APOL5: variants seen among roughly 807,000 people sequenced by gnomAD.
APOL5 encodes the protein apolipoprotein L, 5.
APOL5 carries 29 observed loss-of-function variants against 35.5 expected under a neutral mutation model. The observed-to-expected ratio is 0.82, with a 90% CI of 0.61 to 1.11. The LOEUF (loss-of-function observed/expected upper bound fraction) is 1.11. APOL5 is among the 50% of genes most tolerant of loss of function. APOL5 has a pLI of 0.00. For synonymous variants in APOL5, 188 were observed against 200.2 expected (o/e 0.94, Z 0.51); for missense variants, 514 against 530.4 (o/e 0.97, Z 0.30).
chr22:35,711,280 A>T, the APOL5 span, among the ~76,000 whole-genome samples: 3 of 152,186 alleles, frequency 2.0e-5, no homozygotes, highest in Non-Finnish European at 4.4e-5. Flanking sequence ...TCATCCATTC[A>T]TCCATCAATG....
intron 2 of APOL5, among the ~76,000 whole-genome samples, chr22:35,720,991 C>A (rs1926954553): frequency 6.6e-6 from 1 of 152,100 alleles, no homozygotes; most frequent in Non-Finnish European, 1.5e-5. Flanking sequence ...AATGCTCCAC[C>A]CGCCTCGGCC....
At chr22:35,709,608 T>C in the APOL5 span, among the ~76,000 whole-genome samples, 100,770 of 152,034 alleles carry the variant, frequency 0.66, 33,813 homozygotes, top group African/African-American at 0.74. Flanking sequence ...TCTAGAAATA[T>C]TTCTTCAATT....
intron 2 of APOL5, among the ~76,000 whole-genome samples, chr22:35,722,890 C>T (rs181372093): frequency 0.04 from 6,161 of 152,190 alleles, 153 homozygotes; most frequent in Middle Eastern, 0.092. Context: ...ACAAGGCGAT[C>T]TGGAAGGGCC....
chr22:35,710,791 C>T, the APOL5 span, among the ~76,000 whole-genome samples: 3 of 152,274 alleles, frequency 2.0e-5, no homozygotes, highest in East Asian at 5.8e-4. Flanking sequence ...AAGGGGAATC[C>T]TACGGCGTGT....
Position 35,726,682 on chromosome 22 carries a change from T to C in APOL5, c.614T>C (p.Leu205Pro), listed in dbSNP as rs768636241. 4 of 1,614,218 alleles carry C rather than the reference T, an allele frequency of 2.5e-6. No homozygotes were observed. The Admixed American group carries it at 5.0e-5, about 20-fold the overall frequency. ...NSAARDKASR[L>P]GPLTTSHEAF... ...GCAGCAAGAGACAAAGCCAGCCGAC[T>C]GGGGCCTCTGACAACATCACATGAG... Residue 205 changes from leucine (L) to proline (P), a missense_variant, in exon 3 of 5, where the codon CTG (leucine) becomes CCG (proline). Physicochemically the swap from Leu to Pro is moderately conservative, Grantham distance 98. Around this residue, in one of 3 missense-constraint regions of APOL5, gnomAD observed 254 missense variants for 254.7 expected, o/e 1.00. Transcript: ENST00000249044.
intron 2 of APOL5, among the ~76,000 whole-genome samples, chr22:35,724,092 TAG>T (rs1927064171): frequency 6.6e-6 from 1 of 151,794 alleles, no homozygotes; most frequent in Non-Finnish European, 1.5e-5. Context: ...TTTGGAAATG[TAG>T]ACTCTTTTAC....
chr22:35,723,932 G>C (rs866273457), intron 2 of APOL5, among the ~76,000 whole-genome samples: 1 of 152,128 alleles, frequency 6.6e-6, no homozygotes, highest in Non-Finnish European at 1.5e-5. Context: ...ACTCCAGCCC[G>C]GGCAATAGAG....
upstream of APOL5, chr22:35,717,757 A>AAAAAAAT: frequency 2.7e-6 from 1 of 366,180 alleles, no homozygotes; most frequent in Non-Finnish European, 4.1e-6. Context: ...AAAAAAAGAA[A>AAAAAAAT]GAAAAGAAAA....
chr22:35,726,826 C>G lies in APOL5; in HGVS notation c.758C>G (p.Ser253Cys). ...GCCTACCAGATGGCCAAATCCAACTCTGGCTTCATGGCTATGGTCAAGAAT... is the reference window on the plus strand; with the variant it reads ...GCCTACCAGATGGCCAAATCCAACTGTGGCTTCATGGCTATGGTCAAGAAT... Reference protein sequence around the residue: ...LHAYQMAKSNSGFMAMVKNFV... With the variant: ...LHAYQMAKSNCGFMAMVKNFV... The change falls in exon 3 of 5, where the codon TCT becomes TGT. Residue 253 changes from serine to cysteine, a missense_variant. This residue lies in a region of APOL5 where 238 missense variants were observed against 229.1 expected (regional missense o/e 1.04). Coordinates refer to ENST00000249044, the MANE Select transcript of APOL5 (RefSeq NM_030642.1). 4 of 1,614,240 alleles carry G rather than the reference C, an allele frequency of 2.5e-6. No individual in the cohort carries two copies. Among genetic ancestry groups the G allele is most frequent in the Non-Finnish European group, 2.5e-6 (3 of 1,180,048 alleles).
rs1415914283 is a variant in APOL5 at position 35,727,081 on chromosome 22, A to T, written c.1013A>T (p.Gln338Leu). The change falls in exon 3 of 5, where the codon CAG becomes CTG. Residue 338 changes from glutamine to leucine, a missense_variant. Coordinates refer to ENST00000249044, the MANE Select transcript of APOL5 (RefSeq NM_030642.1). ...AGAGCACTTGCTAAGAAGCTGGAGCAGGAGCTGGACCGGCTCACCCAGCAC... is the reference window on the plus strand; with the variant it reads ...AGAGCACTTGCTAAGAAGCTGGAGCTGGAGCTGGACCGGCTCACCCAGCAC... Reference protein sequence around the residue: ...ELRALAKKLEQELDRLTQHHR... With the variant: ...ELRALAKKLELELDRLTQHHR... 3 of 1,612,932 alleles carry T rather than the reference A, an allele frequency of 1.9e-6. No individual in the cohort carries two copies. The highest frequency in any genetic ancestry group is 2.7e-5 in the African/African-American group (2 of 74,942).
At chr22:35,720,050 TC>T (rs1926908849) in intron 1 of APOL5, among the ~76,000 whole-genome samples, 1 of 152,008 alleles carries the variant, frequency 6.6e-6, no homozygotes, top group African/African-American at 2.4e-5. Context: ...GTATTCTTCT[TC>T]CTGTGTGTTC....
chr22:35,720,518 G>C lies in APOL5; in HGVS notation c.56-50G>C, dbSNP rs181607198. 1.2e-4 allele frequency: 191 copies of C among 1,555,656 alleles called. No individual in the cohort carries two copies. In the African/African-American group the frequency reaches 2.1e-3, roughly 17 times the overall value. On this transcript the variant is annotated intron_variant, in intron 1 of 4. Transcript: ENST00000249044. ...TCCCGGAGCACTGTTATGTCTTTTC[G>C]GGCTGAGATGACTCAAGAAGAAATG...
chr22:35,710,524 C>A, the APOL5 span, among the ~76,000 whole-genome samples: 1 of 151,240 alleles, frequency 6.6e-6, no homozygotes, highest in Non-Finnish European at 1.5e-5. Context: ...TATATATATT[C>A]GTTTTAATTG....
Position 35,726,763 on chromosome 22 carries a change from AGT to A in APOL5, c.700_701del (p.Val234LysfsTer40). 6 of 1,614,220 alleles carry A rather than the reference AGT, an allele frequency of 3.7e-6. No individual in the cohort carries two copies. Among genetic ancestry groups the A allele is most frequent in the Non-Finnish European group, 5.1e-6 (6 of 1,180,044 alleles). On this transcript the variant is annotated frameshift_variant, in exon 3 of 5. Coordinates refer to ENST00000249044, the MANE Select transcript of APOL5 (RefSeq NM_030642.1). LOFTEE classifies it high-confidence loss of function. ...GAGGCTGCTGGCTTTTGTGTTAATA[AGT>A]GTGTAAAAGCTATCCAGGGCATCAA...
In APOL5 at chr22:35,728,863, A is replaced by G; in HGVS notation, c.1267A>G (p.Lys423Glu). 1.2e-6 allele frequency: 2 copies of G among 1,610,138 alleles called. No individual in the cohort carries two copies. Among genetic ancestry groups the G allele is most frequent in the Non-Finnish European group, 1.7e-6 (2 of 1,178,350 alleles). Residue 423 changes from lysine to glutamate, a missense_variant, in exon 4 of 5, where the codon AAG becomes GAG. Around this residue, in one of 3 missense-constraint regions of APOL5, gnomAD observed 238 missense variants for 229.1 expected, o/e 1.04. Coordinates refer to ENST00000249044, the MANE Select transcript of APOL5 (RefSeq NM_030642.1). ...HQPAPPAPAR[K>E]GRQAPGRHRQ is the part of the protein sequence containing the mutation. ...GCCAGCCCCACCAGCACCAGCAAGAAAGGGGAGACAGGCCCCGGGAAGACA... is the reference window on the plus strand; with the variant it reads ...GCCAGCCCCACCAGCACCAGCAAGAGAGGGGAGACAGGCCCCGGGAAGACA...
chr22:35,710,658 C>G, the APOL5 span, among the ~76,000 whole-genome samples: 1 of 152,102 alleles, frequency 6.6e-6, no homozygotes, highest in African/African-American at 2.4e-5. Context: ...AACTCTTGTC[C>G]TCTTGCAAAA....
chr22:35,711,280 A>C, the APOL5 span, among the ~76,000 whole-genome samples: 1 of 152,186 alleles, frequency 6.6e-6, no homozygotes, highest in Non-Finnish European at 1.5e-5. Context: ...TCATCCATTC[A>C]TCCATCAATG....
intron 4 of APOL5, 82 bp downstream of exon 4, chr22:35,728,986 G>A (rs13054304): frequency 6.6e-6 from 9 of 1,369,766 alleles, no homozygotes; most frequent in Non-Finnish European, 8.6e-6. Context: ...GGGCTTCAGG[G>A]AAAGAGAGGG....
In APOL5 at chr22:35,720,567, G is replaced by A. The variant is rs757136137; in HGVS notation, c.56-1G>A. ...TGTCCCTGATCCTTGTCCATCTCCA[G>A]GCTTGGGAGAAGGTTGTAAAGAAAT... On this transcript the variant is annotated splice_acceptor_variant, in intron 1 of 4. Coordinates refer to ENST00000249044, the MANE Select transcript of APOL5 (RefSeq NM_030642.1). LOFTEE classifies it high-confidence loss of function. 2 of 1,613,894 alleles carry A rather than the reference G, an allele frequency of 1.2e-6. No homozygotes were observed. The highest frequency in any genetic ancestry group is 1.7e-5 in the Admixed American group (1 of 60,004).
Sources: allele counts gnomAD v4.1 joint callset (sites outside exome capture counted in the v4.1 genomes callset), GRCh38; gene constraint gnomAD v4.1.1; regional missense constraint gnomAD v4.1.1; transcripts MANE v1.5; gene names NCBI Gene and HGNC (gene_info 2026-07-23, HGNC 2026-07-21).